The following TMX4 variants were observed in gnomAD, a reference collection of about 807,000 sequenced individuals.
TMX4 encodes the protein thioredoxin related transmembrane protein 4.
In TMX4, 23 loss-of-function variants were observed where a neutral mutation model predicts 33.3. That is an observed-to-expected ratio of 0.69 (90% CI 0.50 to 0.98). The LOEUF (loss-of-function observed/expected upper bound fraction) is 0.98. Among genes scored for constraint, TMX4 ranks in the 50% least tolerant of loss-of-function variants. The pLI is 0.00. For synonymous variants in TMX4, 164 were observed against 161.5 expected (o/e 1.02, Z -0.12); for missense variants, 399 against 448.9 (o/e 0.89, Z 1.01).
Position 8,009,317 on chromosome 20 carries a change from C to A in TMX4, c.292+883G>T, listed in dbSNP as rs376529234. Among the ~76,000 whole-genome samples the A allele has an allele frequency of 4.0e-3, 614 of 152,130 alleles. 6 individuals are homozygous for A. The highest frequency in any genetic ancestry group is 0.013 in the African/African-American group (541 of 41,532). On this transcript the variant is annotated intron_variant, in intron 2 of 7. Transcript: ENST00000246024. The stretch of plus-strand genomic sequence containing the variant: ...TAAAAATGATTCATTCTTGTGAAAA[C>A]TTATATCATTCACAGCTAATCAGTG...
intron 5 of TMX4, among the ~76,000 whole-genome samples, chr20:7,994,313 C>T (rs974423934): frequency 6.6e-5 from 10 of 152,106 alleles, no homozygotes; most frequent in African/African-American, 1.9e-4. Context: ...GTTCTCCAAA[C>T]GGCTCTTTCT....
chr20:7,992,113 G>C (rs894469657), intron 5 of TMX4, among the ~76,000 whole-genome samples: 3 of 152,180 alleles, frequency 2.0e-5, no homozygotes, highest in Admixed American at 2.0e-4. Context: ...ATCCATTAGA[G>C]TATTAACATT....
In TMX4 at chr20:7,999,723, T is replaced by C; in HGVS notation, c.467+9A>G. On this transcript the variant is annotated intron_variant, in intron 4 of 7. Coordinates refer to ENST00000246024, the MANE Select transcript of TMX4 (RefSeq NM_021156.4). ...ATTAGTAACACCTTGTCTTAAAAAA[T>C]TGAGTTACGTTAGAGAAGCCGGGGA... 6.2e-6 allele frequency: 10 copies of C among 1,607,250 alleles called. No homozygotes were observed. The highest frequency in any genetic ancestry group is 8.5e-6 in the Non-Finnish European group (10 of 1,178,120).
chr20:8,013,634 C>T (rs773445726), intron 1 of TMX4: 4 of 152,160 alleles, frequency 2.6e-5, no homozygotes, highest in Non-Finnish European at 4.4e-5. Flanking sequence ...GTTGAAGGAC[C>T]TTGAATCTTT....
intron 5 of TMX4, among the ~76,000 whole-genome samples, chr20:7,991,743 T>C (rs2050655887): frequency 6.6e-6 from 1 of 151,666 alleles, no homozygotes; most frequent in African/African-American, 2.4e-5. Flanking sequence ...TTAATACATA[T>C]AACTAACAAA....
Position 7,980,577 on chromosome 20 carries a change from C to G in TMX4, c.*1674G>C, listed in dbSNP as rs2122846873. 1 of 152,396 alleles carries G rather than the reference C, an allele frequency of 6.6e-6. No individual in the cohort carries two copies. The highest frequency in any genetic ancestry group is 2.4e-5 in the African/African-American group (1 of 41,568). 9.4% of individuals were successfully genotyped at this position (152,396 alleles called of 1,614,324 possible). ...GCAAGGTTCTCCCAGCCCATCAGCCCAGTGATGGCCTCGATTTTGAAGCTG... is the reference window on the plus strand; with the variant it reads ...GCAAGGTTCTCCCAGCCCATCAGCCGAGTGATGGCCTCGATTTTGAAGCTG... On this transcript the variant is annotated 3_prime_UTR_variant, in exon 8 of 8. Coordinates refer to ENST00000246024, the MANE Select transcript of TMX4 (RefSeq NM_021156.4).
chr20:7,991,248 C>T (rs1443975896), intron 5 of TMX4, among the ~76,000 whole-genome samples: 1 of 152,176 alleles, frequency 6.6e-6, no homozygotes, highest in Middle Eastern at 3.2e-3. Context: ...CTCAAAACGA[C>T]AGTAACATTT....
At chr20:8,013,508 T>C (rs1310681471) in intron 1 of TMX4, among the ~76,000 whole-genome samples, 1 of 152,230 alleles carries the variant, frequency 6.6e-6, no homozygotes, top group African/African-American at 2.4e-5. Context: ...GTCAGTGCAA[T>C]GTTTTTAACC....
chr20:7,985,257 G>GTATA (rs200269653), intron 6 of TMX4, among the ~76,000 whole-genome samples: 26 of 130,800 alleles, frequency 2.0e-4, no homozygotes, highest in African/African-American at 3.1e-4. Context: ...GTGTGTGTGT[G>GTATA]TATATATATA....
chr20:8,019,327 G>A (rs1308097324), intron 1 of TMX4, 111 bp downstream of exon 1: 3 of 1,296,734 alleles, frequency 2.3e-6, no homozygotes, highest in Admixed American at 3.2e-5. Context: ...CTGGTCCGGG[G>A]TTTTAGGTTG....
rs1007168353 is a variant in TMX4, at chr20:7,977,675, G to T, written c.*4576C>A. 6.6e-6 allele frequency: 1 copy of T among 152,120 alleles called. No individual in the cohort carries two copies. Among genetic ancestry groups the T allele is most frequent in the African/African-American group, 2.4e-5 (1 of 41,398 alleles). The allele number at this position is 152,120 out of a possible 1,614,324, so 9.4% of individuals were successfully genotyped here. A position where few individuals can be genotyped will look rare whatever the true frequency, so the allele number is the denominator to read the frequency against. ...AAAGAAAAATAATTAGGTTCATTAG[G>T]CTAAGACTAATACCAGTAATATAAA... is the stretch of plus-strand genomic sequence containing the variant. On this transcript the variant is annotated 3_prime_UTR_variant, in exon 8 of 8. Coordinates refer to ENST00000246024, the MANE Select transcript of TMX4 (RefSeq NM_021156.4).
chr20:8,004,597 G>GT (rs1167010953), intron 2 of TMX4, among the ~76,000 whole-genome samples: 1 of 151,998 alleles, frequency 6.6e-6, no homozygotes, highest in Non-Finnish European at 1.5e-5. Context: ...TTTTAACACT[G>GT]TATCAGAAAC....
At chr20:8,000,435 G>T (rs561975165) in intron 3 of TMX4, among the ~76,000 whole-genome samples, 1 of 151,980 alleles carries the variant, frequency 6.6e-6, no homozygotes, top group Non-Finnish European at 1.5e-5. Context: ...TCATACTGGG[G>T]GTCTCCAATG....
chr20:8,011,973 T>C (rs1484457030), intron 1 of TMX4, among the ~76,000 whole-genome samples: 1 of 152,126 alleles, frequency 6.6e-6, no homozygotes, highest in Admixed American at 6.5e-5. Context: ...GTTCAATAAA[T>C]GTTTGCTGAA....
Position 8,001,329 on chromosome 20 carries a change from A to T in TMX4, c.338+167T>A, listed in dbSNP as rs137947076. Among the ~76,000 whole-genome samples the T allele has an allele frequency of 3.4e-4, 51 of 152,120 alleles. 1 individual carries two copies. Among genetic ancestry groups the T allele is most frequent in the African/African-American group, 1.2e-3 (50 of 41,492 alleles). On this transcript the variant is annotated intron_variant, in intron 3 of 7. Coordinates refer to ENST00000246024, the MANE Select transcript of TMX4 (RefSeq NM_021156.4). ...ACATTAGGACCTCTGTCTCTGCAGCACTCCAGGAAAGCTTCTCTTGTCACA... is the reference window on the plus strand; with the variant it reads ...ACATTAGGACCTCTGTCTCTGCAGCTCTCCAGGAAAGCTTCTCTTGTCACA...
chr20:7,986,019 G>T (rs74910631), intron 6 of TMX4, among the ~76,000 whole-genome samples: 3 of 152,076 alleles, frequency 2.0e-5, no homozygotes, highest in Non-Finnish European at 4.4e-5. Flanking sequence ...ACCTCATACT[G>T]TTTCCCCCTA....
At chr20:7,986,793 G>A (rs2050632611) in intron 6 of TMX4, among the ~76,000 whole-genome samples, 1 of 152,124 alleles carries the variant, frequency 6.6e-6, no homozygotes, top group South Asian at 2.1e-4. Flanking sequence ...ATTGTGTTGT[G>A]TTAACTACAT....
At chr20:7,988,918 G>C (rs1036643099) in intron 5 of TMX4, among the ~76,000 whole-genome samples, 1 of 152,030 alleles carries the variant, frequency 6.6e-6, no homozygotes, top group African/African-American at 2.4e-5. Context: ...AGCTACTCAG[G>C]GGATTGAGGC....
intron 3 of TMX4, among the ~76,000 whole-genome samples, chr20:8,000,847 C>G (rs79330107): frequency 0.014 from 2,079 of 152,266 alleles, 53 homozygotes; most frequent in East Asian, 0.065. Context: ...TTATCTTTTG[C>G]ATTTTTGTCT....
Sources: allele counts gnomAD v4.1 joint callset (sites outside exome capture counted in the v4.1 genomes callset), GRCh38; gene constraint gnomAD v4.1.1; transcripts MANE v1.5; gene names NCBI Gene and HGNC (gene_info 2026-07-23, HGNC 2026-07-21).